The following PHYHIP variants were observed in gnomAD, a reference collection of about 807,000 sequenced individuals.
The protein encoded by PHYHIP is phytanoyl-CoA hydroxylase-interacting protein.
PHYHIP carries 7 observed loss-of-function variants against 26.1 expected under a neutral mutation model. The observed-to-expected ratio is 0.27, with a 90% confidence interval of 0.15 to 0.50. The LOEUF (loss-of-function observed/expected upper bound fraction) is 0.50. Among genes scored for constraint, PHYHIP ranks in the 20% least tolerant of loss-of-function variants. The probability of loss-of-function intolerance (pLI) is 0.98; values close to 1 mark genes in which losing one functional copy is unlikely to be tolerated. For synonymous variants in PHYHIP, 206 were observed against 183.4 expected (o/e 1.12, Z -1.00); for missense variants, 232 against 454.7 (o/e 0.51, Z 4.45).
intron 3 of PHYHIP, among the ~76,000 whole-genome samples, chr8:22,225,906 A>T (rs1446182578): frequency 6.6e-6 from 1 of 152,182 alleles, no homozygotes; most frequent in East Asian, 1.9e-4. Context: ...TTGGCAAAGG[A>T]TAGAGCCAGC....
chr8:22,221,156 C>T lies in PHYHIP; in HGVS notation c.*197G>A. 1 of 536,124 alleles carries T rather than the reference C, an allele frequency of 1.9e-6. No individual in the cohort carries two copies. The highest frequency in any genetic ancestry group is 3.3e-6 in the Non-Finnish European group (1 of 306,296). 33.2% of individuals were successfully genotyped at this position (536,124 alleles called of 1,614,324 possible). Reference sequence around the variant, plus strand: ...AGAGGCTGAGAAGCCTTTCCATGTCCACCAGGCTGGGTGTGGGCCACACTT... The same window carrying T: ...AGAGGCTGAGAAGCCTTTCCATGTCTACCAGGCTGGGTGTGGGCCACACTT... On this transcript the variant is annotated 3_prime_UTR_variant, in exon 5 of 5. Transcript: ENST00000454243. This position sits in a 1 kb window ranked among gnomAD's most constrained non-coding sequence, Gnocchi z 7.9.
chr8:22,230,334 T>C (rs1406720499), intron 1 of PHYHIP, among the ~76,000 whole-genome samples: 2 of 151,996 alleles, frequency 1.3e-5, no homozygotes, highest in African/African-American at 2.4e-5. Context: ...CTGCCTCTCC[T>C]TGGAGTCCTC....
At chr8:22,230,215 G>A (rs180844547) in intron 1 of PHYHIP, among the ~76,000 whole-genome samples, 9,230 of 150,868 alleles carry the variant, frequency 0.061, 330 homozygotes, top group Admixed American at 0.09. Context: ...ACACACACAC[G>A]CACACACACA....
Position 22,231,470 on chromosome 8 carries a change from C to T in PHYHIP, c.-30+326G>A, listed in dbSNP as rs116843392. Among the ~76,000 whole-genome samples the T allele has an allele frequency of 8.9e-3, 1,363 of 152,370 alleles. 8 individuals carry two copies. Among genetic ancestry groups the T allele is most frequent in the South Asian group, 0.018 (87 of 4,832 alleles). ...CAGCCAACTCGCGAGCGCGCACACA[C>T]ACACGCCGCGCACACCGGTGCCCCT... is the stretch of plus-strand genomic sequence containing the variant. On this transcript the variant is annotated intron_variant, in intron 1 of 4. Transcript: ENST00000454243.
At chr8:22,230,197 C>A (rs1829837736) in intron 1 of PHYHIP, among the ~76,000 whole-genome samples, 1 of 151,956 alleles carries the variant, frequency 6.6e-6, no homozygotes, top group Non-Finnish European at 1.5e-5. Flanking sequence ...CACACATGTG[C>A]CCCTCACACA....
chr8:22,228,164 G>A, intron 2 of PHYHIP, 29 bp downstream of exon 2: 4 of 1,603,156 alleles, frequency 2.5e-6, no homozygotes, highest in Non-Finnish European at 3.4e-6. Context: ...AGAAGCTGGG[G>A]AGGGGCTCCC....
intron 1 of PHYHIP, 84 bp from the exon 2 acceptor site, chr8:22,228,470 C>T (rs747274399): frequency 4.4e-5 from 33 of 747,724 alleles, no homozygotes; most frequent in Admixed American, 9.8e-5. Context: ...CCTTTCGAGG[C>T]GGAACCTCAA....
Position 22,220,560 on chromosome 8 carries a change from T to G in PHYHIP, c.*793A>C, listed in dbSNP as rs1202908799. On this transcript the variant is annotated 3_prime_UTR_variant, in exon 5 of 5. Coordinates refer to ENST00000454243, the MANE Select transcript of PHYHIP (RefSeq NM_014759.5). ...GGGGCACCTCTGGGTCTCAGGGGTC[T>G]CCTCCCCCTCCTCAACCCCAGTGGC... is the stretch of plus-strand genomic sequence containing the variant. The G allele has an allele frequency of 6.6e-6, 1 of 152,322 alleles. No homozygotes were observed. The highest frequency in any genetic ancestry group is 6.5e-5 in the Admixed American group (1 of 15,272). 9.4% of individuals were successfully genotyped at this position (152,322 alleles called of 1,614,324 possible). A position where few individuals can be genotyped will look rare whatever the true frequency, so the allele number is the denominator to read the frequency against.
At chr8:22,228,457 A>G in intron 1 of PHYHIP, 71 bp from the exon 2 acceptor site, 1 of 844,174 alleles carries the variant, frequency 1.2e-6, no homozygotes, top group Non-Finnish European at 1.9e-6. Context: ...TCCTCCCAAT[A>G]TCCCTTTCGA....
chr8:22,226,444 G>C (rs1829746231), intron 3 of PHYHIP, among the ~76,000 whole-genome samples: 1 of 152,140 alleles, frequency 6.6e-6, no homozygotes, highest in Non-Finnish European at 1.5e-5. Flanking sequence ...GAAAGGTTCT[G>C]GAGACTGGCT....
intron 1 of PHYHIP, among the ~76,000 whole-genome samples, chr8:22,231,411 C>T (rs1012121323): frequency 2.6e-5 from 4 of 152,212 alleles, no homozygotes; most frequent in Non-Finnish European, 4.4e-5. Flanking sequence ...AGCATGACTG[C>T]GGACAGACGG....
intron 3 of PHYHIP, 74 bp downstream of exon 3, chr8:22,226,776 AG>A: frequency 1.4e-6 from 2 of 1,400,538 alleles, no homozygotes; most frequent in Non-Finnish European, 2.0e-6. Flanking sequence ...CTGGACTACG[AG>A]GAAGACCCGC....
chr8:22,227,828 A>G (rs980315583), intron 2 of PHYHIP: 1 of 419,386 alleles, frequency 2.4e-6, no homozygotes, highest in Admixed American at 2.7e-5. Context: ...GAGACTTGAG[A>G]CGTCATCCCC....
intron 3 of PHYHIP, among the ~76,000 whole-genome samples, chr8:22,225,655 A>AAG (rs386412287): frequency 6.6e-6 from 1 of 150,938 alleles, no homozygotes; most frequent in African/African-American, 2.4e-5. Context: ...AAAAAAAAAA[A>AAG]ATAGCCAGGC....
At chr8:22,230,608 C>A (rs1319958810) in intron 1 of PHYHIP, among the ~76,000 whole-genome samples, 1 of 151,836 alleles carries the variant, frequency 6.6e-6, no homozygotes, top group Non-Finnish European at 1.5e-5. Context: ...GGATCCACCC[C>A]AAGACAGGCA....
At chr8:22,231,674 G>A (rs1373371884) in intron 1 of PHYHIP, 122 bp downstream of exon 1, 1 of 152,248 alleles carries the variant, frequency 6.6e-6, no homozygotes, top group Non-Finnish European at 1.5e-5. Context: ...GGGGAGAGGG[G>A]ACAAGGTCGT....
chr8:22,227,141 A>C (rs1245761123), intron 2 of PHYHIP, 116 bp from the exon 3 acceptor site: 10 of 871,964 alleles, frequency 1.1e-5, no homozygotes, highest in Non-Finnish European at 1.7e-5. Flanking sequence ...GAGCAGGACC[A>C]ATCTTGAGGA....
At position 22,228,791 on chromosome 8, in the gene PHYHIP, C is replaced by T. The variant is rs562874720; in HGVS notation, c.-29-405G>A. 5.2e-4 allele frequency: 82 copies of T among 158,574 alleles called. 2 individuals carry two copies. The highest frequency in any genetic ancestry group is 4.9e-3 in the Admixed American group (79 of 16,264). 9.8% of individuals were successfully genotyped at this position (158,574 alleles called of 1,614,324 possible). On this transcript the variant is annotated intron_variant, in intron 1 of 4. Coordinates refer to ENST00000454243, the MANE Select transcript of PHYHIP (RefSeq NM_014759.5). The stretch of plus-strand genomic sequence containing the variant: ...GCGGAGGAAACGCAGGAAGCACCTG[C>T]TGTGGAGCGGAGGTGCGAGGCTTGG...
At chr8:22,227,870 G>A (rs1041930990) in intron 2 of PHYHIP, among the ~76,000 whole-genome samples, 1 of 152,244 alleles carries the variant, frequency 6.6e-6, no homozygotes, top group Non-Finnish European at 1.5e-5. Context: ...ACCCTACCCG[G>A]GCTCTCTGCC....
Sources: allele counts gnomAD v4.1 joint callset (sites outside exome capture counted in the v4.1 genomes callset), GRCh38; gene constraint gnomAD v4.1.1; non-coding constraint Gnocchi (gnomAD v3.1); transcripts MANE v1.5; gene names NCBI Gene and HGNC (gene_info 2026-07-23, HGNC 2026-07-21).